The following CCBE1 variants were observed in gnomAD, a reference collection of about 807,000 sequenced individuals.
CCBE1 encodes the protein collagen and calcium binding EGF domains 1, also known as collagen and calcium-binding EGF domain-containing protein 1.
Under a neutral mutation model 50.0 loss-of-function variants are expected in CCBE1, and 37 were observed. The observed-to-expected ratio is 0.74, with a 90% CI of 0.57 to 0.97. The LOEUF is 0.97. Ranked by LOEUF, CCBE1 falls within the 50% of genes least tolerant of loss-of-function variation. The probability of loss-of-function intolerance (pLI) is 0.00; values close to 1 mark genes in which losing one functional copy is unlikely to be tolerated. For synonymous variants in CCBE1, 234 were observed against 203.7 expected (o/e 1.15, Z -1.27); for missense variants, 538 against 523.8 (o/e 1.03, Z -0.26).
chr18:59,603,957 T>G lies in CCBE1; in HGVS notation c.212+92672A>C, dbSNP rs1335367311. Among the ~76,000 whole-genome samples the G allele has an allele frequency of 3.9e-5, 6 of 152,328 alleles. No homozygotes were observed. In the East Asian group the frequency reaches 1.2e-3, roughly 29 times the overall value. ...AAAAGGGATGCCTTTGTAGTGCTGT[T>G]GTAAAAATGAAGTGGGAAGCCTGAC... On this transcript the variant is annotated intron_variant, in intron 2 of 10. Coordinates refer to ENST00000439986, the MANE Select transcript of CCBE1 (RefSeq NM_133459.4).
intron 2 of CCBE1, among the ~76,000 whole-genome samples, chr18:59,683,826 G>A (rs1003473944): frequency 3.3e-5 from 5 of 151,848 alleles, no homozygotes; most frequent in African/African-American, 1.2e-4. Flanking sequence ...TGCAAGCTGG[G>A]GTGTCCCTGC....
intron 2 of CCBE1, among the ~76,000 whole-genome samples, chr18:59,530,075 C>T (rs978671262): frequency 1.3e-5 from 2 of 152,148 alleles, no homozygotes; most frequent in African/African-American, 2.4e-5. Flanking sequence ...GATGCTGATG[C>T]TGCTGTTCTA....
Position 59,454,956 on chromosome 18 carries a change from G to T in CCBE1, c.554-5C>A, listed in dbSNP as rs762279744. 6.2e-7 allele frequency: 1 copy of T among 1,612,592 alleles called. No homozygotes were observed. The highest frequency in any genetic ancestry group is 2.2e-5 in the East Asian group (1 of 44,874). ...TGTTCTCAGACTTCTCATGGCCTGA[G>T]AAAGGAGATAGGCTCAGTCCTGTCT... On this transcript the variant is annotated splice_polypyrimidine_tract_variant and splice_region_variant and intron_variant, in intron 5 of 10. Transcript: ENST00000439986.
intron 2 of CCBE1, among the ~76,000 whole-genome samples, chr18:59,623,277 C>T (rs922556051): frequency 2.6e-5 from 4 of 152,186 alleles, no homozygotes; most frequent in African/African-American, 9.6e-5. Flanking sequence ...GTCAGTTAAC[C>T]GCTGCCATTC....
At chr18:59,648,104 C>T (rs192801786) in intron 2 of CCBE1, among the ~76,000 whole-genome samples, 13 of 152,336 alleles carry the variant, frequency 8.5e-5, no homozygotes, top group Admixed American at 1.3e-4. Flanking sequence ...CCAGGTTGCC[C>T]TGTGTCAGGT....
rs560710694 is a variant in CCBE1, at chr18:59,529,813, C to T, written c.213-49575G>A. Among the ~76,000 whole-genome samples, 19 of 152,236 alleles carry T rather than the reference C, an allele frequency of 1.2e-4. No homozygotes were observed. The East Asian group carries it at 3.7e-3, about 29-fold the overall frequency. ...GTCATTGATCTTGGCCCCTCCTAGC[C>T]CCTGGTGGCATTGAAATATCTAAAG... On this transcript the variant is annotated intron_variant, in intron 2 of 10. Transcript: ENST00000439986.
At chr18:59,468,881 G>C (rs1911886697) in intron 4 of CCBE1, among the ~76,000 whole-genome samples, 1 of 151,022 alleles carries the variant, frequency 6.6e-6, no homozygotes, top group African/African-American at 2.4e-5. Context: ...ATGTTTCTTG[G>C]GTTAGTTATG....
chr18:59,589,069 T>G (rs2053220377), intron 2 of CCBE1, among the ~76,000 whole-genome samples: 1 of 152,154 alleles, frequency 6.6e-6, no homozygotes, highest in African/African-American at 2.4e-5. Context: ...TAACCACGCA[T>G]TAAAGCACAG....
At chr18:59,684,275 CCT>C (rs909715006) in intron 2 of CCBE1, among the ~76,000 whole-genome samples, 31 of 152,270 alleles carry the variant, frequency 2.0e-4, no homozygotes, top group African/African-American at 7.5e-4. Context: ...ATGGCGAAAC[CCT>C]GTCTCTACAA....
intron 2 of CCBE1, among the ~76,000 whole-genome samples, chr18:59,618,988 T>A (rs1054155448): frequency 2.0e-5 from 3 of 152,226 alleles, no homozygotes; most frequent in Admixed American, 6.5e-5. Context: ...TAGTTACAAA[T>A]CATCTAATAA....
intron 2 of CCBE1, among the ~76,000 whole-genome samples, chr18:59,557,348 C>T (rs534064607): frequency 5.3e-5 from 8 of 152,180 alleles, no homozygotes; most frequent in African/African-American, 1.9e-4. Flanking sequence ...CATGAGCATC[C>T]CTCATCACTC....
intron 2 of CCBE1, among the ~76,000 whole-genome samples, chr18:59,634,308 T>TC (rs754718863): frequency 6.6e-6 from 1 of 152,156 alleles, no homozygotes. Context: ...AGAAAAGGCC[T>TC]CCCCCACTGT....
intron 2 of CCBE1, among the ~76,000 whole-genome samples, chr18:59,563,352 A>G (rs917105388): frequency 1.3e-5 from 2 of 152,264 alleles, no homozygotes; most frequent in African/African-American, 2.4e-5. Context: ...CTACTTGTGC[A>G]TTCATTTGGC....
At chr18:59,468,633 C>G (rs1911869519) in intron 4 of CCBE1, among the ~76,000 whole-genome samples, 1 of 151,772 alleles carries the variant, frequency 6.6e-6, no homozygotes, top group African/African-American at 2.4e-5. Context: ...CTCCCTAGAG[C>G]CCCTGCTAGG....
At chr18:59,563,152 G>A (rs2052767564) in intron 2 of CCBE1, among the ~76,000 whole-genome samples, 1 of 152,158 alleles carries the variant, frequency 6.6e-6, no homozygotes, top group African/African-American at 2.4e-5. Context: ...CAACTGCAGA[G>A]GTAAAGGTAC....
chr18:59,513,104 TCGAG>T (rs1233145315), intron 2 of CCBE1, among the ~76,000 whole-genome samples: 1 of 152,054 alleles, frequency 6.6e-6, no homozygotes, highest in Admixed American at 6.5e-5. Flanking sequence ...GGTCAGGAGC[TCGAG>T]ACCAGCCCAG....
intron 2 of CCBE1, among the ~76,000 whole-genome samples, chr18:59,652,953 G>A (rs1230978183): frequency 8.3e-6 from 1 of 120,736 alleles, no homozygotes; most frequent in Admixed American, 9.3e-5. Context: ...AACAAAGTGA[G>A]ACTCCGTCTC....
At chr18:59,588,861 G>C (rs527928344) in intron 2 of CCBE1, among the ~76,000 whole-genome samples, 1 of 152,154 alleles carries the variant, frequency 6.6e-6, no homozygotes. Flanking sequence ...CACCTCAAAG[G>C]CTCCCCTGAT....
At chr18:59,505,908 T>G (rs1290061600) in intron 2 of CCBE1, among the ~76,000 whole-genome samples, 2 of 152,196 alleles carry the variant, frequency 1.3e-5, no homozygotes, top group African/African-American at 4.8e-5. Flanking sequence ...AAAGAAGGGT[T>G]GTTTACAAGG....
Sources: allele counts gnomAD v4.1 joint callset (sites outside exome capture counted in the v4.1 genomes callset), GRCh38; gene constraint gnomAD v4.1.1; transcripts MANE v1.5; gene names NCBI Gene and HGNC (gene_info 2026-07-23, HGNC 2026-07-21).